Variants in ARIH1 observed in about 807,000 individuals in gnomAD.
ARIH1 encodes the protein E3 ubiquitin-protein ligase ARIH1.
Under a neutral mutation model 85.0 loss-of-function variants are expected in ARIH1, and 8 were observed. The observed-to-expected ratio is 0.09, with a 90% confidence interval of 0.06 to 0.17. The LOEUF is 0.17. ARIH1 is among the 10% of genes least tolerant of loss of function. ARIH1 has a pLI of 1.00. For missense variants in ARIH1, 311 were observed against 718.1 expected (o/e 0.43, Z 6.48); for synonymous variants, 238 against 253.6 (o/e 0.94, Z 0.59).
intron 10 of ARIH1, among the ~76,000 whole-genome samples, chr15:72,571,105 G>T (rs1450497651): frequency 8.2e-6 from 1 of 122,332 alleles, no homozygotes; most frequent in African/African-American, 3.0e-5. Context: ...CTCCAGCCTG[G>T]GCAACAAGAG....
chr15:72,575,497 G>A (rs2064266672), intron 11 of ARIH1, among the ~76,000 whole-genome samples: 1 of 142,736 alleles, frequency 7.0e-6, no homozygotes, highest in African/African-American at 2.6e-5. Context: ...ACTTCAGTGA[G>A]CCATGGTTGT....
intron 1 of ARIH1, among the ~76,000 whole-genome samples, chr15:72,508,302 T>G (rs1389187818): frequency 6.6e-6 from 1 of 152,222 alleles, no homozygotes; most frequent in Non-Finnish European, 1.5e-5. Flanking sequence ...TTTTGTTTGG[T>G]TTGTTTATAT....
intron 1 of ARIH1, among the ~76,000 whole-genome samples, chr15:72,507,921 T>C (rs189165588): frequency 3.9e-5 from 6 of 152,376 alleles, no homozygotes; most frequent in African/African-American, 1.4e-4. Context: ...TCATGGGAGT[T>C]CTACAGATGT....
Position 72,474,373 on chromosome 15 carries a change from T to A in ARIH1, c.-267T>A, listed in dbSNP as rs971724376. On this transcript the variant is annotated 5_prime_UTR_variant, in exon 1 of 14. Transcript: ENST00000379887. ...CGTGGAGGTGGCGTTGGGGACTGTT[T>A]TCTCTCGGAGGCCGGAGCGGAGCCG... The A allele has an allele frequency of 2.1e-6, 1 of 470,410 alleles. No homozygotes were observed. The highest frequency in any genetic ancestry group is 2.1e-5 in the African/African-American group (1 of 47,412). The allele number at this position is 470,410 out of a possible 1,614,324, so 29.1% of individuals were successfully genotyped here. A position where few individuals can be genotyped will look rare whatever the true frequency, so the allele number is the denominator to read the frequency against.
At chr15:72,485,109 AT>A (rs2063832556) in intron 1 of ARIH1, among the ~76,000 whole-genome samples, 1 of 152,082 alleles carries the variant, frequency 6.6e-6, no homozygotes, top group Admixed American at 6.6e-5. Flanking sequence ...TAATTTTTTG[AT>A]TATAGCCATT....
intron 11 of ARIH1, among the ~76,000 whole-genome samples, chr15:72,575,701 G>T (rs976678277): frequency 2.6e-5 from 4 of 152,104 alleles, no homozygotes; most frequent in African/African-American, 9.7e-5. Context: ...GTAAGGGAGG[G>T]TTTTCATTTC....
chr15:72,551,058 A>G (rs563271558), intron 3 of ARIH1, among the ~76,000 whole-genome samples: 1 of 152,286 alleles, frequency 6.6e-6, no homozygotes, highest in Non-Finnish European at 1.5e-5. Context: ...TCCTAACGAG[A>G]TATTTGTATC....
rs1049225099 is a variant in ARIH1 at position 72,590,346 on chromosome 15, G to A, written c.*7054G>A. 1 of 152,192 alleles carries A rather than the reference G, an allele frequency of 6.6e-6. No homozygotes were observed. The highest frequency in any genetic ancestry group is 2.4e-5 in the African/African-American group (1 of 41,446). 9.4% of individuals were successfully genotyped at this position (152,192 alleles called of 1,614,324 possible). A position where few individuals can be genotyped will look rare whatever the true frequency, so the allele number is the denominator to read the frequency against. ...ACTGATTAGGGGACTTCCAACCTAA[G>A]ATTGTCCTGGAAACTTAATTCTTAT... On this transcript the variant is annotated 3_prime_UTR_variant, in exon 14 of 14. Transcript: ENST00000379887.
At chr15:72,534,763 T>A (rs1320841608) in intron 2 of ARIH1, among the ~76,000 whole-genome samples, 2 of 152,046 alleles carry the variant, frequency 1.3e-5, no homozygotes, top group African/African-American at 4.8e-5. Context: ...TTCACTCCAT[T>A]CTGTATGTCT....
intron 1 of ARIH1, among the ~76,000 whole-genome samples, chr15:72,515,507 C>T (rs772908620): frequency 1.3e-5 from 2 of 152,076 alleles, no homozygotes; most frequent in East Asian, 3.8e-4. Flanking sequence ...TAGATTCTAT[C>T]GCGGACATTT....
rs535261674 is a variant in ARIH1 at position 72,498,961 on chromosome 15, A to ATTT, written c.376-19071_376-19069dup. Among the ~76,000 whole-genome samples the ATTT allele has an allele frequency of 9.4e-4, 83 of 88,434 alleles. 14 individuals are homozygous for ATTT. Among genetic ancestry groups the ATTT allele is most frequent in the African/African-American group, 3.6e-3 (77 of 21,452 alleles). 58.0% of individuals were successfully genotyped at this position (88,434 alleles called of 152,430 possible). A position where few individuals can be genotyped will look rare whatever the true frequency, so the allele number is the denominator to read the frequency against. ...TTATGTCGTTTGCACCTTTTCATAA[A>ATTT]TTTTTTTTTTTTTTTTTTTTTTTTT... On this transcript the variant is annotated intron_variant, in intron 1 of 13. Coordinates refer to ENST00000379887, the MANE Select transcript of ARIH1 (RefSeq NM_005744.5).
intron 1 of ARIH1, among the ~76,000 whole-genome samples, chr15:72,480,552 T>C (rs190331397): frequency 4.3e-4 from 66 of 151,772 alleles, no homozygotes; most frequent in Non-Finnish European, 1.9e-4. Flanking sequence ...TGAGCCACGG[T>C]GCCCAGCCAC....
At chr15:72,546,182 C>T (rs1422603616) in intron 3 of ARIH1, among the ~76,000 whole-genome samples, 3 of 152,082 alleles carry the variant, frequency 2.0e-5, no homozygotes, top group Non-Finnish European at 2.9e-5. Flanking sequence ...GCTGGAACTA[C>T]AGACGTGCAC....
chr15:72,566,413 TAA>T (rs2064221336), intron 7 of ARIH1, 148 bp from the exon 8 acceptor site: 4 of 683,446 alleles, frequency 5.9e-6, no homozygotes, highest in Non-Finnish European at 1.0e-5. Context: ...TAATTAACTG[TAA>T]AGCAGACATG....
At chr15:72,492,114 G>GA (rs2063861828) in intron 1 of ARIH1, among the ~76,000 whole-genome samples, 1 of 152,042 alleles carries the variant, frequency 6.6e-6, no homozygotes, top group South Asian at 2.1e-4. Context: ...CCATCCTCAA[G>GA]AAAATATCAA....
chr15:72,531,554 C>T (rs2064057219), intron 2 of ARIH1, among the ~76,000 whole-genome samples: 1 of 152,140 alleles, frequency 6.6e-6, no homozygotes, highest in Admixed American at 6.5e-5. Context: ...AGGGGTGAGC[C>T]ACTGGGCCTG....
intron 1 of ARIH1, 70 bp downstream of exon 1, chr15:72,475,084 C>CGTGGGACCGGCTAGGCGGCA: frequency 6.5e-7 from 1 of 1,536,500 alleles, no homozygotes; most frequent in South Asian, 1.2e-5. Context: ...ACGCGCGGTC[C>CGTGGGACCGGCTAGGCGGCA]CGAGGGACAG....
intron 2 of ARIH1, among the ~76,000 whole-genome samples, chr15:72,519,415 A>T (rs1403946783): frequency 6.6e-6 from 1 of 151,210 alleles, no homozygotes; most frequent in Admixed American, 6.6e-5. Flanking sequence ...TGGTTCATGA[A>T]GGATAACATG....
At chr15:72,525,772 G>A (rs1383601188) in intron 2 of ARIH1, among the ~76,000 whole-genome samples, 3 of 151,766 alleles carry the variant, frequency 2.0e-5, no homozygotes, top group Non-Finnish European at 2.9e-5. Flanking sequence ...TTGTAGCTTC[G>A]GTGACCCCTG....
Sources: allele counts gnomAD v4.1 joint callset (sites outside exome capture counted in the v4.1 genomes callset), GRCh38; gene constraint gnomAD v4.1.1; transcripts MANE v1.5; gene names NCBI Gene and HGNC (gene_info 2026-07-23, HGNC 2026-07-21).